TRPC5: variants seen among roughly 807,000 people sequenced by gnomAD.
The protein encoded by TRPC5 is short transient receptor potential channel 5.
TRPC5 carries 9 observed loss-of-function variants against 56.5 expected under a neutral mutation model. That is an observed-to-expected ratio of 0.16 (90% CI 0.10 to 0.28). TRPC5 has a LOEUF of 0.28. Among genes scored for constraint, TRPC5 ranks in the 10% least tolerant of loss-of-function variants. TRPC5 has a pLI of 1.00. For missense variants in TRPC5, 469 were observed against 748.9 expected (o/e 0.63, Z 4.36); for synonymous variants, 282 against 278.5 (o/e 1.01, Z -0.13).
At chrX:111,995,902 A>T (rs1394559514) in intron 1 of TRPC5, among the ~76,000 whole-genome samples, 3 of 106,752 alleles carry the variant, frequency 2.8e-5, no homozygotes, top group African/African-American at 1.0e-4. Context: ...CGGTCTATCA[A>T]TTTTGTTGAT....
intron 1 of TRPC5, among the ~76,000 whole-genome samples, chrX:112,034,627 C>A (rs1160933800): frequency 9.2e-6 from 1 of 108,847 alleles, no homozygotes; most frequent in Non-Finnish European, 1.9e-5. Context: ...CACTTTCATT[C>A]CTGGGATAAA....
At chrX:111,997,101 C>A (rs376927428) in intron 1 of TRPC5, among the ~76,000 whole-genome samples, 6 of 111,842 alleles carry the variant, frequency 5.4e-5, no homozygotes, top group African/African-American at 2.0e-4. Flanking sequence ...CATCGATGCT[C>A]TTTACAATTT....
intron 1 of TRPC5, among the ~76,000 whole-genome samples, chrX:111,993,339 G>C (rs928987658): frequency 1.8e-5 from 2 of 111,770 alleles, no homozygotes; most frequent in Admixed American, 1.9e-4. Flanking sequence ...CTTTGCTATT[G>C]TGAATAGTGC....
intron 1 of TRPC5, among the ~76,000 whole-genome samples, chrX:112,068,882 G>A (rs2147744596): frequency 8.9e-6 from 1 of 111,775 alleles, no homozygotes; most frequent in South Asian, 3.8e-4. Flanking sequence ...TATTCGAAAA[G>A]TATTGTATAC....
At chrX:112,036,863 T>C (rs1929755315) in intron 1 of TRPC5, among the ~76,000 whole-genome samples, 1 of 110,925 alleles carries the variant, frequency 9.0e-6, no homozygotes, top group Admixed American at 9.6e-5. Context: ...GAGACCCTTA[T>C]AAGCAACGCT....
In TRPC5 at chrX:111,851,928, A is replaced by T. The variant is rs1325961708; in HGVS notation, c.1377+370T>A. Among the ~76,000 whole-genome samples the T allele has an allele frequency of 2.7e-5, 3 of 111,955 alleles. No homozygotes were observed. The East Asian group carries it at 8.5e-4, about 32-fold the overall frequency. On this transcript the variant is annotated intron_variant, in intron 5 of 10. Transcript: ENST00000262839. ...AGTCCTTTTTAATGAAGTGACAAGG[A>T]TTAAGAGAAGCTTTTGGAGATAGTG...
At chrX:112,071,345 TA>T (rs1272166508) in intron 1 of TRPC5, among the ~76,000 whole-genome samples, 2 of 107,306 alleles carry the variant, frequency 1.9e-5, no homozygotes, top group Non-Finnish European at 3.8e-5. Context: ...AATAAATAAA[TA>T]AAAAGAATCC....
chrX:111,863,230 G>T lies in TRPC5; in HGVS notation c.901-9124C>A, dbSNP rs749658506. On this transcript the variant is annotated intron_variant, in intron 3 of 10. Transcript: ENST00000262839. ...TTTTTTGGCAAGGGTTAAAACAGAG[G>T]CATCTTCCATATTACATGGACTCAG... is the stretch of plus-strand genomic sequence containing the variant. Among the ~76,000 whole-genome samples, 4 of 111,923 alleles carry T rather than the reference G, an allele frequency of 3.6e-5. No individual in the cohort carries two copies. In the East Asian group the frequency reaches 1.1e-3, roughly 32 times the overall value.
At position 111,912,794 on chromosome X, in the gene TRPC5, C is replaced by T. The variant is rs766304172; in HGVS notation, c.397G>A (p.Asp133Asn). Residue 133 changes from aspartate to asparagine, a missense_variant, in exon 3 of 11, where the codon GAC becomes AAC. By Grantham distance (23) the Asp-to-Asn change is conservative. Transcript: ENST00000262839. ...GGTGTGAATTCAGAGAACTGCGTGT[C>T]CATCATCAGAGTGGGGACCTAGGTA... ...GEKQVPTLMM[D>N]TQFSEFTPDI... The T allele has an allele frequency of 8.3e-7, 1 of 1,198,961 alleles. No individual in the cohort carries two copies. Among genetic ancestry groups the T allele is most frequent in the East Asian group, 3.0e-5 (1 of 33,788 alleles).
intron 5 of TRPC5, 67 bp from the exon 6 acceptor site, chrX:111,847,503 C>T: frequency 2.9e-6 from 3 of 1,037,871 alleles, no homozygotes; most frequent in Non-Finnish European, 3.9e-6. Flanking sequence ...TCCCTTTTTT[C>T]CTTGCTTCCA....
At chrX:111,939,777 G>A (rs778600810) in intron 2 of TRPC5, among the ~76,000 whole-genome samples, 9 of 110,787 alleles carry the variant, frequency 8.1e-5, no homozygotes, top group East Asian at 2.8e-4. Context: ...ATTTATTTGC[G>A]CCTTCTCTCT....
intron 7 of TRPC5, among the ~76,000 whole-genome samples, chrX:111,814,181 G>T: frequency 9.0e-6 from 1 of 111,297 alleles, no homozygotes; most frequent in Middle Eastern, 4.6e-3. Flanking sequence ...AAAATATGGA[G>T]GTAGTCAAAG....
chrX:112,078,351 T>C (rs996705387), intron 1 of TRPC5, among the ~76,000 whole-genome samples: 2 of 111,529 alleles, frequency 1.8e-5, no homozygotes, highest in Admixed American at 9.5e-5. Flanking sequence ...AACTTGACTT[T>C]AGTTACCTCT....
At position 111,939,158 on chromosome X, in the gene TRPC5, A is replaced by G. The variant is rs748120562; in HGVS notation, c.378+12885T>C. Among the ~76,000 whole-genome samples, 44 of 112,237 alleles carry G rather than the reference A, an allele frequency of 3.9e-4. 1 individual carries two copies. The highest frequency in any genetic ancestry group is 1.3e-3 in the African/African-American group (40 of 30,897). On this transcript the variant is annotated intron_variant, in intron 2 of 10. Transcript: ENST00000262839. ...TTCTTCAGCATCAATTGAAATAATCATATGGTTTCTGTCTTTCATTCTGTT... is the reference window on the plus strand; with the variant it reads ...TTCTTCAGCATCAATTGAAATAATCGTATGGTTTCTGTCTTTCATTCTGTT...
chrX:112,048,397 A>G lies in TRPC5; in HGVS notation c.-22+33482T>C, dbSNP rs188726111. Among the ~76,000 whole-genome samples the G allele has an allele frequency of 6.6e-3, 604 of 91,096 alleles. 11 individuals are homozygous for G. Among genetic ancestry groups the G allele is most frequent in the African/African-American group, 0.023 (579 of 24,799 alleles). 79.1% of individuals were successfully genotyped at this position (91,096 alleles called of 115,157 possible). A position where few individuals can be genotyped will look rare whatever the true frequency, so the allele number is the denominator to read the frequency against. Reference sequence around the variant, plus strand: ...GCCTGGCGACAGAGCAAGACTCCGTATCAAAAAAAAAAAAAAAAAAAAAAA... The same window carrying G: ...GCCTGGCGACAGAGCAAGACTCCGTGTCAAAAAAAAAAAAAAAAAAAAAAA... On this transcript the variant is annotated intron_variant, in intron 1 of 10. Transcript: ENST00000262839.
At chrX:112,042,291 C>T (rs776700326) in intron 1 of TRPC5, among the ~76,000 whole-genome samples, 1 of 111,129 alleles carries the variant, frequency 9.0e-6, no homozygotes, top group South Asian at 3.8e-4. Flanking sequence ...GCAGGATCCG[C>T]GAGAAAGGAA....
At chrX:111,891,382 T>A (rs1924796335) in intron 3 of TRPC5, among the ~76,000 whole-genome samples, 1 of 111,298 alleles carries the variant, frequency 9.0e-6, no homozygotes, top group Non-Finnish European at 1.9e-5. Context: ...GCATCTGTTA[T>A]TTTTTGACTT....
At chrX:111,780,495 C>T (rs1179323987) in intron 9 of TRPC5, among the ~76,000 whole-genome samples, 1 of 110,680 alleles carries the variant, frequency 9.0e-6, no homozygotes, top group Non-Finnish European at 1.9e-5. Flanking sequence ...AATTTTAATA[C>T]AATCATCCCT....
intron 1 of TRPC5, among the ~76,000 whole-genome samples, chrX:111,987,811 G>C (rs1330067360): frequency 6.2e-5 from 7 of 112,525 alleles, no homozygotes; most frequent in Non-Finnish European, 9.4e-5. Context: ...TTACTCATGG[G>C]AGGCTTATGG....
Sources: allele counts gnomAD v4.1 joint callset (sites outside exome capture counted in the v4.1 genomes callset), GRCh38; gene constraint gnomAD v4.1.1; transcripts MANE v1.5; gene names NCBI Gene and HGNC (gene_info 2026-07-23, HGNC 2026-07-21).